Variants in ZNF445 observed in about 807,000 individuals in gnomAD.
ZNF445 encodes the protein zinc finger protein 445, also known as zinc finger protein 168.
ZNF445 carries 19 observed loss-of-function variants against 93.9 expected under a neutral mutation model. The ratio of observed to expected loss-of-function variants is 0.20; its 90% CI spans 0.14 to 0.30. The LOEUF (loss-of-function observed/expected upper bound fraction) is 0.30. Ranked by LOEUF, ZNF445 falls within the 10% of genes least tolerant of loss-of-function variation. ZNF445 has a pLI of 1.00. For synonymous variants in ZNF445, 449 were observed against 446.3 expected, an observed-to-expected ratio of 1.01 and a Z score of -0.08; for missense variants, 1,058 against 1,259.4, an observed-to-expected ratio of 0.84 and a Z score of 2.42.
chr3:44,432,156 C>T lies in ZNF445; in HGVS notation c.*14419G>A, dbSNP rs1697563371. 1 of 152,146 alleles carries T rather than the reference C, an allele frequency of 6.6e-6. No individual in the cohort carries two copies. The highest frequency in any genetic ancestry group is 2.1e-4 in the South Asian group (1 of 4,832). The allele number at this position is 152,146 out of a possible 1,614,324, so 9.4% of individuals were successfully genotyped here. On this transcript the variant is annotated 3_prime_UTR_variant, in exon 8 of 8. Transcript: ENST00000396077. Reference sequence around the variant, plus strand: ...CAAGTGATCCACCTGCCTCAGCCTCCCAAAGTGCTGAGATTACAGGCGTTG... The same window carrying T: ...CAAGTGATCCACCTGCCTCAGCCTCTCAAAGTGCTGAGATTACAGGCGTTG...
intron 4 of ZNF445, 116 bp downstream of exon 4, chr3:44,451,198 C>T (rs971690846): frequency 1.6e-5 from 21 of 1,345,452 alleles, no homozygotes; most frequent in Non-Finnish European, 2.2e-5. Flanking sequence ...GGACAGAGAG[C>T]TAAGGGCCAG....
rs372590498 is a variant in ZNF445 at position 44,471,616 on chromosome 3, G to C, written c.-269+5975C>G. Among the ~76,000 whole-genome samples the C allele has an allele frequency of 5.9e-5, 9 of 152,208 alleles. No homozygotes were observed. In the East Asian group the frequency reaches 9.6e-4, roughly 16 times the overall value. ...ACCTATCCAATGTCCTCTGCTCTCA[G>C]CAAGTGCTGCTAATACTGTCAAAAG... On this transcript the variant is annotated intron_variant, in intron 1 of 7. Transcript: ENST00000396077.
chr3:44,434,057 A>T lies in ZNF445; in HGVS notation c.*12518T>A, dbSNP rs761766571. On this transcript the variant is annotated 3_prime_UTR_variant, in exon 8 of 8. Coordinates refer to ENST00000396077, the MANE Select transcript of ZNF445 (RefSeq NM_181489.6). ...TTAAATGTGGAATTATGTGATTCAG[A>T]AAATCACATACAAAATTGTCTCGTG... 63 of 152,272 alleles carry T rather than the reference A, an allele frequency of 4.1e-4. No individual in the cohort carries two copies. Among genetic ancestry groups the T allele is most frequent in the African/African-American group, 9.6e-4 (40 of 41,564 alleles). 9.4% of individuals were successfully genotyped at this position (152,272 alleles called of 1,614,324 possible).
intron 1 of ZNF445, among the ~76,000 whole-genome samples, chr3:44,466,591 T>G (rs760006058): frequency 1.3e-5 from 2 of 152,232 alleles, no homozygotes; most frequent in Non-Finnish European, 2.9e-5. Context: ...TCCTTGTCAA[T>G]CGTGTCTTTA....
At position 44,451,402 on chromosome 3, in the gene ZNF445, A is replaced by C; in HGVS notation, c.510T>G (p.Ala170=). ...GAGCAGAGCTGCTCCTGAGAGGTGAAGCAAGGGACCATATCTGTGCAGATC... is the reference window on the plus strand; with the variant it reads ...GAGCAGAGCTGCTCCTGAGAGGTGACGCAAGGGACCATATCTGTGCAGATC... ...ALRSAQIWSL[A]SPLRSSSALG... The change falls in exon 4 of 8, where the codon GCT becomes GCG. Residue 170 remains alanine (A), a synonymous_variant. Transcript: ENST00000396077. 6.2e-7 allele frequency: 1 copy of C among 1,614,186 alleles called. No individual in the cohort carries two copies. The highest frequency in any genetic ancestry group is 1.3e-5 in the African/African-American group (1 of 75,052).
At chr3:44,473,519 C>A (rs1364709432) in intron 1 of ZNF445, among the ~76,000 whole-genome samples, 3 of 146,450 alleles carry the variant, frequency 2.0e-5, no homozygotes, top group African/African-American at 5.2e-5. Flanking sequence ...ATATTTAAAG[C>A]CTTAAAATAA....
chr3:44,457,092 T>C (rs908358215), intron 2 of ZNF445, among the ~76,000 whole-genome samples: 3 of 152,262 alleles, frequency 2.0e-5, no homozygotes, highest in Middle Eastern at 3.4e-3. Context: ...ATCGTGGCAC[T>C]GCACTCTACA....
At chr3:44,466,672 G>T (rs1265503719) in intron 1 of ZNF445, among the ~76,000 whole-genome samples, 1 of 152,080 alleles carries the variant, frequency 6.6e-6, no homozygotes, top group Admixed American at 6.6e-5. Context: ...TTAAAAGATG[G>T]TTTTATAAGC....
chr3:44,449,160 C>T lies in ZNF445; in HGVS notation c.931+353G>A, dbSNP rs144352212. Among the ~76,000 whole-genome samples the T allele has an allele frequency of 2.5e-3, 384 of 152,138 alleles. 3 individuals carry two copies. The highest frequency in any genetic ancestry group is 5.6e-3 in the Admixed American group (86 of 15,278). Reference sequence around the variant, plus strand: ...AAAGAACAGGAGTGGGATGAGGGCTCCTAAGAGCAGAAAGGGGTGAGTACA... The same window carrying T: ...AAAGAACAGGAGTGGGATGAGGGCTTCTAAGAGCAGAAAGGGGTGAGTACA... On this transcript the variant is annotated intron_variant, in intron 7 of 7. Coordinates refer to ENST00000396077, the MANE Select transcript of ZNF445 (RefSeq NM_181489.6).
At chr3:44,470,270 C>T (rs6441846) in intron 1 of ZNF445, among the ~76,000 whole-genome samples, 146,949 of 152,342 alleles carry the variant, frequency 0.96, 71,111 homozygotes, top group East Asian at 1. Flanking sequence ...AAACTGTGCA[C>T]GACTGCTTTT....
At position 44,447,291 on chromosome 3, in the gene ZNF445, C is replaced by G; in HGVS notation, c.2380G>C (p.Glu794Gln). The G allele has an allele frequency of 1.2e-6, 2 of 1,614,150 alleles. No homozygotes were observed. The highest frequency in any genetic ancestry group is 1.1e-5 in the South Asian group (1 of 91,084). ...CTCCATCTGAAGGCTTTCCCACACT[C>G]CCTGCACTTATATGGCTTCTCTCCA... ...HTGEKPYKCR[E>Q]CGKAFRWSSN... Residue 794 changes from glutamate (E) to glutamine (Q), a missense_variant, in exon 8 of 8, where the codon GAG becomes CAG. By Grantham distance (29) the Glu-to-Gln change is conservative (BLOSUM62 2). Transcript: ENST00000396077. This position sits in a 1 kb window ranked among gnomAD's most constrained non-coding sequence, Gnocchi z 4.7.
At chr3:44,463,521 C>T (rs573221446) in intron 1 of ZNF445, among the ~76,000 whole-genome samples, 18 of 152,330 alleles carry the variant, frequency 1.2e-4, no homozygotes, top group South Asian at 4.1e-4. Context: ...CAAAATCAAA[C>T]GCTCTGTTCT....
chr3:44,450,281 TC>T (rs1697939103), intron 6 of ZNF445, 165 bp downstream of exon 6: 1 of 768,742 alleles, frequency 1.3e-6, no homozygotes, highest in Non-Finnish European at 2.1e-6. Context: ...GGCATTATTC[TC>T]CCCATTTTTC....
At chr3:44,453,811 A>G (rs1697988510) in intron 3 of ZNF445, among the ~76,000 whole-genome samples, 1 of 152,150 alleles carries the variant, frequency 6.6e-6, no homozygotes, top group Non-Finnish European at 1.5e-5. Context: ...TATTTACCGA[A>G]CAAATTCTCA....
At chr3:44,474,513 T>G (rs1364647349) in intron 1 of ZNF445, among the ~76,000 whole-genome samples, 4 of 151,998 alleles carry the variant, frequency 2.6e-5, no homozygotes, top group Admixed American at 6.6e-5. Context: ...AAATTCCGTC[T>G]CAAACAAACA....
intron 3 of ZNF445, among the ~76,000 whole-genome samples, chr3:44,452,621 T>G (rs1697972131): frequency 6.6e-6 from 1 of 152,240 alleles, no homozygotes; most frequent in African/African-American, 2.4e-5. Flanking sequence ...TACATCTAGC[T>G]GTAAATGAGC....
chr3:44,459,322 A>C (rs1334265006), intron 1 of ZNF445, among the ~76,000 whole-genome samples: 1 of 152,246 alleles, frequency 6.6e-6, no homozygotes, highest in Non-Finnish European at 1.5e-5. Flanking sequence ...CAACAAAATA[A>C]AACACCCAGA....
chr3:44,447,237 G>A lies in ZNF445; in HGVS notation c.2434C>T (p.His812Tyr). The A allele has an allele frequency of 1.2e-6, 2 of 1,614,164 alleles. No homozygotes were observed. Among genetic ancestry groups the A allele is most frequent in the Non-Finnish European group, 1.7e-6 (2 of 1,180,032 alleles). ...CAATCATACTGTTTTTGAAGAGAGT[G>A]AATCCTCTGATGTCGGTAGAGATTG... ...SSNLYRHQRI[H>Y]SLQKQYDCHE... The change falls in exon 8 of 8, where the codon CAC becomes TAC. Residue 812 changes from histidine to tyrosine, a missense_variant. Coordinates refer to ENST00000396077, the MANE Select transcript of ZNF445 (RefSeq NM_181489.6). This position sits in a 1 kb window ranked among gnomAD's most constrained non-coding sequence, Gnocchi z 4.7.
intron 5 of ZNF445, 51 bp from the exon 6 acceptor site, chr3:44,450,624 T>C (rs1559393349): frequency 6.3e-7 from 1 of 1,590,684 alleles, no homozygotes; most frequent in Non-Finnish European, 8.6e-7. Context: ...AGCTTTGAGG[T>C]GGAAAGGGAG....
Sources: allele counts gnomAD v4.1 joint callset (sites outside exome capture counted in the v4.1 genomes callset), GRCh38; gene constraint gnomAD v4.1.1; non-coding constraint Gnocchi (gnomAD v3.1); transcripts MANE v1.5; gene names NCBI Gene and HGNC (gene_info 2026-07-23, HGNC 2026-07-21).